Variants in SMG6 observed in about 807,000 individuals in gnomAD.
SMG6 encodes the protein telomerase-binding protein EST1A.
Under a neutral mutation model 142.2 loss-of-function variants are expected in SMG6, and 66 were observed. The observed-to-expected ratio is 0.46, with a 90% CI of 0.38 to 0.57. The LOEUF (loss-of-function observed/expected upper bound fraction) is 0.57, where lower values mean the gene tolerates loss of function less well. Among genes scored for constraint, SMG6 ranks in the 20% least tolerant of loss-of-function variants. The pLI, the probability that SMG6 is intolerant of heterozygous loss-of-function variation, is 0.00. For synonymous variants in SMG6, 779 were observed against 702.4 expected, an observed-to-expected ratio of 1.11 and a Z score of -1.72; for missense variants, 1,793 against 1,832.0, an observed-to-expected ratio of 0.98 and a Z score of 0.39.
In SMG6 at chr17:2,130,266, C is replaced by CAAA. The variant is rs903007543; in HGVS notation, c.3357+42389_3357+42391dup. On this transcript the variant is annotated intron_variant, in intron 13 of 18. Coordinates refer to ENST00000263073, the MANE Select transcript of SMG6 (RefSeq NM_017575.5). ...TGGGCGACAGAGCGAGACTCCGTCT[C>CAAA]AAAAAAAAAAAAAAAAAAGAAACAG... is the stretch of plus-strand genomic sequence containing the variant. Among the ~76,000 whole-genome samples the CAAA allele has an allele frequency of 7.8e-4, 31 of 39,518 alleles. 4 individuals are homozygous for CAAA. Among genetic ancestry groups the CAAA allele is most frequent in the African/African-American group, 3.0e-3 (19 of 6,398 alleles). The allele number at this position is 39,518 out of a possible 152,430, so 25.9% of individuals were successfully genotyped here.
At position 2,102,808 on chromosome 17, in the gene SMG6, C is replaced by T. The variant is rs201779452; in HGVS notation, c.3358-16907G>A. Among the ~76,000 whole-genome samples, 8 of 152,276 alleles carry T rather than the reference C, an allele frequency of 5.3e-5. 2 individuals carry two copies. In the East Asian group the frequency reaches 1.3e-3, roughly 26 times the overall value. Reference sequence around the variant, plus strand: ...CCTTTGACCATCATCTCCCCATTTCCCAGCCTCTGTAGCCACCATCCTACT... The same window carrying T: ...CCTTTGACCATCATCTCCCCATTTCTCAGCCTCTGTAGCCACCATCCTACT... On this transcript the variant is annotated intron_variant, in intron 13 of 18. Transcript: ENST00000263073.
At chr17:2,079,611 C>CA (rs1212132989) in intron 15 of SMG6, among the ~76,000 whole-genome samples, 88 of 131,902 alleles carry the variant, frequency 6.7e-4, no homozygotes, top group Middle Eastern at 3.9e-3. Context: ...GACTCCATCT[C>CA]AAAAAAAAAA....
At chr17:2,076,767 G>A (rs886879803) in intron 15 of SMG6, among the ~76,000 whole-genome samples, 4 of 152,242 alleles carry the variant, frequency 2.6e-5, no homozygotes, top group East Asian at 1.9e-4. Context: ...GCTGGAGGAA[G>A]GAGGCTGACA....
At chr17:2,201,428 T>G (rs1317575546) in intron 10 of SMG6, among the ~76,000 whole-genome samples, 1 of 152,182 alleles carries the variant, frequency 6.6e-6, no homozygotes, top group African/African-American at 2.4e-5. Context: ...GCACAGTGAC[T>G]CACACCTGTA....
rs1165511298 is a variant in SMG6 at position 2,071,754 on chromosome 17, C to T, written c.3682-2823G>A. ...GGGCCTCTGGGCGGGGGGGGTCACA[C>T]CTGGGTCACAAGACTGGCTCAGTCC... is the stretch of plus-strand genomic sequence containing the variant. On this transcript the variant is annotated intron_variant, in intron 15 of 18. Coordinates refer to ENST00000263073, the MANE Select transcript of SMG6 (RefSeq NM_017575.5). This position sits in a 1 kb window ranked among gnomAD's most constrained non-coding sequence, Gnocchi z 5.6. Among the ~76,000 whole-genome samples the T allele has an allele frequency of 3.9e-5, 6 of 152,134 alleles. No homozygotes were observed. The highest frequency in any genetic ancestry group is 8.8e-5 in the Non-Finnish European group (6 of 68,018).
At chr17:2,087,750 C>A (rs755393930) in intron 13 of SMG6, 5 of 985,978 alleles carry the variant, frequency 5.1e-6, no homozygotes, top group East Asian at 2.3e-4. Context: ...AGAACAGAGC[C>A]GAAATGAGTA....
chr17:2,288,495 G>C (rs917049939), intron 6 of SMG6, among the ~76,000 whole-genome samples: 2 of 151,508 alleles, frequency 1.3e-5, no homozygotes, highest in African/African-American at 4.9e-5. Flanking sequence ...GGTGGCATGC[G>C]CCTGTGGTCC....
chr17:2,168,054 G>C (rs2071394482), intron 13 of SMG6, among the ~76,000 whole-genome samples: 1 of 151,980 alleles, frequency 6.6e-6, no homozygotes, highest in African/African-American at 2.4e-5. Context: ...TGTTTGTAGG[G>C]ACAAGGCCTC....
chr17:2,194,958 C>T (rs1416977678), intron 10 of SMG6, among the ~76,000 whole-genome samples: 2 of 152,166 alleles, frequency 1.3e-5, no homozygotes, highest in Non-Finnish European at 2.9e-5. Context: ...CAGGCTCCCT[C>T]CCTCTTGGCT....
At chr17:2,090,301 G>T (rs1597369236) in intron 13 of SMG6, among the ~76,000 whole-genome samples, 1 of 152,028 alleles carries the variant, frequency 6.6e-6, no homozygotes, top group South Asian at 2.1e-4. Context: ...CGGCGGGGGA[G>T]GGGGGTTGGG....
intron 10 of SMG6, among the ~76,000 whole-genome samples, chr17:2,233,762 C>G (rs1567704803): frequency 1.3e-5 from 2 of 151,722 alleles, no homozygotes; most frequent in Non-Finnish European, 1.5e-5. Context: ...GATGATGACT[C>G]ATGTGCTGGG....
intron 10 of SMG6, among the ~76,000 whole-genome samples, chr17:2,198,779 T>TG: frequency 6.6e-6 from 1 of 151,880 alleles, no homozygotes; most frequent in East Asian, 1.9e-4. Flanking sequence ...CTCAGTCACT[T>TG]GGGGGATACT....
chr17:2,219,046 A>T (rs1393046621), intron 10 of SMG6, among the ~76,000 whole-genome samples: 1 of 152,238 alleles, frequency 6.6e-6, no homozygotes, highest in Non-Finnish European at 1.5e-5. Context: ...TTATTCAACA[A>T]ATACATGAAG....
intron 9 of SMG6, among the ~76,000 whole-genome samples, chr17:2,239,810 A>G (rs892722500): frequency 6.6e-6 from 1 of 152,252 alleles, no homozygotes; most frequent in South Asian, 2.1e-4. Context: ...CACAAACATT[A>G]TATTTTTAAA....
At chr17:2,081,729 G>T in intron 15 of SMG6, 81 bp downstream of exon 15, 1 of 1,526,464 alleles carries the variant, frequency 6.6e-7, no homozygotes, top group South Asian at 1.1e-5. Flanking sequence ...GTCCTGCTCA[G>T]CTCTGCTCTC....
chr17:2,125,731 T>C (rs551983751), intron 13 of SMG6, among the ~76,000 whole-genome samples: 9 of 152,232 alleles, frequency 5.9e-5, no homozygotes, highest in East Asian at 3.9e-4. Context: ...AGCGGGCAGA[T>C]TGCTTGAGGT....
intron 13 of SMG6, among the ~76,000 whole-genome samples, chr17:2,120,746 C>A (rs922525840): frequency 2.0e-5 from 3 of 152,092 alleles, no homozygotes; most frequent in African/African-American, 7.2e-5. Context: ...CATACAACTT[C>A]ATTAGTCATC....
chr17:2,073,774 T>A (rs1202982938), intron 15 of SMG6, among the ~76,000 whole-genome samples: 1 of 145,206 alleles, frequency 6.9e-6, no homozygotes, highest in Non-Finnish European at 1.5e-5. Context: ...TGAAACCCCA[T>A]CTCTACTAAA....
intron 4 of SMG6, 80 bp from the exon 5 acceptor site, chr17:2,293,057 T>C: frequency 2.0e-6 from 2 of 1,022,964 alleles, no homozygotes; most frequent in Non-Finnish European, 1.5e-6. Flanking sequence ...GGGGTGAAAA[T>C]GACAATGTAG....
Sources: allele counts gnomAD v4.1 joint callset (sites outside exome capture counted in the v4.1 genomes callset), GRCh38; gene constraint gnomAD v4.1.1; non-coding constraint Gnocchi (gnomAD v3.1); transcripts MANE v1.5; gene names NCBI Gene and HGNC (gene_info 2026-07-23, HGNC 2026-07-21).